The following SLC9A7 variants were observed in gnomAD, a reference collection of about 807,000 sequenced individuals.
SLC9A7 encodes sodium/hydrogen exchanger 7.
In SLC9A7, 19 loss-of-function variants were observed where a neutral mutation model predicts 52.6. That is an observed-to-expected ratio of 0.36 (90% CI 0.25 to 0.53). The LOEUF is 0.53. Ranked by LOEUF, SLC9A7 falls within the 20% of genes least tolerant of loss-of-function variation. The pLI, the probability that SLC9A7 is intolerant of heterozygous loss-of-function variation, is 0.91. For missense variants in SLC9A7, 455 were observed against 597.9 expected, an observed-to-expected ratio of 0.76 and a Z score of 2.49; for synonymous variants, 226 against 252.1, an observed-to-expected ratio of 0.90 and a Z score of 0.98.
rs960496707 is a variant in SLC9A7, at chrX:46,601,826, T to C, written c.*5126A>G. ...AAAAGGAATAGCAGCTTTCATCTTC[T>C]CTCTGTCAGGGCTATACAAAAGTGT... On this transcript the variant is annotated 3_prime_UTR_variant, in exon 17 of 17. Coordinates refer to ENST00000616978, the MANE Select transcript of SLC9A7 (RefSeq NM_001257291.2). 1.8e-5 allele frequency: 2 copies of C among 112,186 alleles called. No individual in the cohort carries two copies. The highest frequency in any genetic ancestry group is 6.5e-5 in the African/African-American group (2 of 30,881). The allele number at this position is 112,186 out of a possible 1,213,427, so 9.2% of individuals were successfully genotyped here. A position where few individuals can be genotyped will look rare whatever the true frequency, so the allele number is the denominator to read the frequency against.
chrX:46,681,586 T>G (rs941296189), intron 2 of SLC9A7, among the ~76,000 whole-genome samples: 1 of 112,331 alleles, frequency 8.9e-6, no homozygotes, highest in East Asian at 2.8e-4. Context: ...CTTAGCCTTG[T>G]GCTGTATTAA....
At chrX:46,667,110 C>T (rs1943934512) in intron 5 of SLC9A7, among the ~76,000 whole-genome samples, 1 of 112,013 alleles carries the variant, frequency 8.9e-6, no homozygotes, top group South Asian at 3.8e-4. Context: ...AGACAGGGTA[C>T]ACTCAGTGCC....
intron 13 of SLC9A7, 87 bp from the exon 14 acceptor site, chrX:46,631,736 G>C: frequency 2.9e-6 from 2 of 695,303 alleles, no homozygotes; most frequent in Non-Finnish European, 4.5e-6. Context: ...AAGTAGCCTG[G>C]AGGCTAATCA....
chrX:46,635,130 CTATA>C (rs1943297880), intron 13 of SLC9A7, among the ~76,000 whole-genome samples: 1 of 112,117 alleles, frequency 8.9e-6, no homozygotes, highest in Non-Finnish European at 1.9e-5. Context: ...TTTTGAAAAA[CTATA>C]ATAGCAGTGG....
In SLC9A7 at chrX:46,605,180, G is replaced by A. The variant is rs1942723420; in HGVS notation, c.*1772C>T. 2 of 79,735 alleles carry A rather than the reference G, an allele frequency of 2.5e-5. No homozygotes were observed. Among genetic ancestry groups the A allele is most frequent in the African/African-American group, 5.5e-5 (1 of 18,127 alleles). 6.6% of individuals were successfully genotyped at this position (79,735 alleles called of 1,213,427 possible). On this transcript the variant is annotated 3_prime_UTR_variant, in exon 17 of 17. Transcript: ENST00000616978. ...CACTCCAGCCTGGGTGACACAGCGAGACTCCATCTCAAAAAAAAAAAAAAA... is the reference window on the plus strand; with the variant it reads ...CACTCCAGCCTGGGTGACACAGCGAAACTCCATCTCAAAAAAAAAAAAAAA...
intron 14 of SLC9A7, 142 bp from the exon 15 acceptor site, chrX:46,621,201 T>C (rs898437812): frequency 5.2e-6 from 2 of 382,126 alleles, no homozygotes; most frequent in Non-Finnish European, 9.1e-6. Context: ...AAAGATATAT[T>C]GGGAGGTAGC....
At chrX:46,729,521 C>T (rs1360913311) in intron 1 of SLC9A7, among the ~76,000 whole-genome samples, 2 of 111,770 alleles carry the variant, frequency 1.8e-5, no homozygotes, top group East Asian at 5.6e-4. Flanking sequence ...TGCCTGTAAT[C>T]GCAGCACTTT....
chrX:46,674,743 C>T (rs753816768), intron 3 of SLC9A7, among the ~76,000 whole-genome samples: 1 of 112,031 alleles, frequency 8.9e-6, no homozygotes, highest in African/African-American at 3.2e-5. Flanking sequence ...TATTTGGTTA[C>T]AATACAGCCA....
In SLC9A7 at chrX:46,620,992, T is replaced by C; in HGVS notation, c.1808A>G (p.Tyr603Cys). Residue 603 changes from tyrosine (Y) to cysteine (C), a missense_variant, in exon 15 of 17, where the codon TAC (tyrosine) becomes TGC (cysteine). By Grantham distance (194) the Tyr-to-Cys change is radical. Coordinates refer to ENST00000616978, the MANE Select transcript of SLC9A7 (RefSeq NM_001257291.2). Reference sequence around the variant, plus strand: ...AAAAGGATACTTGTGATCAAAGCTGTACCACAGCCTGAATATCCATGCGCT... The same window carrying C: ...AAAAGGATACTTGTGATCAAAGCTGCACCACAGCCTGAATATCCATGCGCT... ...QESAWIFRLWYSFDHNYLKPI... is the reference protein window; with the variant it reads ...QESAWIFRLWCSFDHNYLKPI... 8.3e-7 allele frequency: 1 copy of C among 1,204,886 alleles called. No homozygotes were observed. The highest frequency in any genetic ancestry group is 1.7e-5 in the African/African-American group (1 of 57,819).
rs1266105432 is a variant in SLC9A7 at position 46,601,393 on chromosome X, T to C, written c.*5559A>G. ...CAGACAAGGACAGGGAGAGATAGGA[T>C]GATGGGATGACGTCAAACAGACCAA... On this transcript the variant is annotated 3_prime_UTR_variant, in exon 17 of 17. Coordinates refer to ENST00000616978, the MANE Select transcript of SLC9A7 (RefSeq NM_001257291.2). The C allele has an allele frequency of 8.9e-6, 1 of 112,469 alleles. No individual in the cohort carries two copies. The highest frequency in any genetic ancestry group is 1.9e-5 in the Non-Finnish European group (1 of 53,263). The allele number at this position is 112,469 out of a possible 1,213,427, so 9.3% of individuals were successfully genotyped here. A position where few individuals can be genotyped will look rare whatever the true frequency, so the allele number is the denominator to read the frequency against.
At chrX:46,647,221 C>A (rs73630233) in intron 11 of SLC9A7, 3,000 of 211,462 alleles carry the variant, frequency 0.014, 89 homozygotes, top group African/African-American at 0.079. Flanking sequence ...CACCACACTT[C>A]GCCTCCTTGT....
At chrX:46,680,366 T>C (rs1944193933) in intron 2 of SLC9A7, among the ~76,000 whole-genome samples, 1 of 106,036 alleles carries the variant, frequency 9.4e-6, no homozygotes, top group Non-Finnish European at 2.0e-5. Context: ...AAAAAAAAAA[T>C]CTTGATTTTC....
rs1475425878 is a variant in SLC9A7 at position 46,626,305 on chromosome X, C to T, written c.1741-5246G>A. On this transcript the variant is annotated intron_variant, in intron 14 of 16. Coordinates refer to ENST00000616978, the MANE Select transcript of SLC9A7 (RefSeq NM_001257291.2). Reference sequence around the variant, plus strand: ...TTTTTCTTTTTCGGACATGGAGTCTCGCTGTGTCACCCAGGCTACAGTGCA... The same window carrying T: ...TTTTTCTTTTTCGGACATGGAGTCTTGCTGTGTCACCCAGGCTACAGTGCA... Among the ~76,000 whole-genome samples the T allele has an allele frequency of 2.7e-5, 3 of 111,936 alleles. No homozygotes were observed. The Admixed American group carries it at 2.8e-4, about 11-fold the overall frequency.
At chrX:46,758,250 C>T (rs961713706) in intron 1 of SLC9A7, among the ~76,000 whole-genome samples, 1 of 111,194 alleles carries the variant, frequency 9.0e-6, no homozygotes, top group Admixed American at 9.5e-5. Flanking sequence ...GTCCAAGAGG[C>T]CCCACTAACC....
intron 1 of SLC9A7, among the ~76,000 whole-genome samples, chrX:46,730,674 AT>A (rs1355225261): frequency 2.3e-4 from 4 of 17,504 alleles, no homozygotes; most frequent in African/African-American, 1.4e-3. Flanking sequence ...AAAAAATTAT[AT>A]ATATATATAT....
intron 4 of SLC9A7, among the ~76,000 whole-genome samples, chrX:46,670,050 G>T (rs1943994085): frequency 8.9e-6 from 1 of 111,872 alleles, no homozygotes; most frequent in South Asian, 3.7e-4. Flanking sequence ...GGAAGAGACA[G>T]AACCTGGCAT....
chrX:46,620,661 C>T (rs1042024617), intron 15 of SLC9A7, among the ~76,000 whole-genome samples: 20 of 111,243 alleles, frequency 1.8e-4, no homozygotes, highest in African/African-American at 6.2e-4. Context: ...GACCACAGCA[C>T]GATTCATTGC....
chrX:46,736,356 T>C (rs1945121958), intron 1 of SLC9A7, among the ~76,000 whole-genome samples: 1 of 111,779 alleles, frequency 8.9e-6, no homozygotes, highest in African/African-American at 3.3e-5. Context: ...CTTTTTCCAT[T>C]AGAGCTTCAA....
intron 1 of SLC9A7, 75 bp from the exon 2 acceptor site, chrX:46,682,610 T>A: frequency 1.1e-6 from 1 of 927,254 alleles, no homozygotes; most frequent in East Asian, 3.3e-5. Flanking sequence ...ATAGTTGACT[T>A]TCAACAACTA....
Sources: gnomAD v4.1 joint callset for allele counts (sites outside exome capture counted in the v4.1 genomes callset) on GRCh38, gnomAD v4.1.1 for gene constraint, MANE v1.5 for transcripts, NCBI Gene and HGNC (gene_info 2026-07-23, HGNC 2026-07-21) for gene names.